The following USP34 variants were observed in gnomAD, a reference collection of about 807,000 sequenced individuals.
USP34 encodes ubiquitin specific peptidase 34, also known as ubiquitin carboxyl-terminal hydrolase 34.
In USP34, 70 loss-of-function variants were observed where a neutral mutation model predicts 460.3. That is an observed-to-expected ratio of 0.15 (90% CI 0.13 to 0.19). The LOEUF is 0.19. USP34 is among the 10% of genes least tolerant of loss of function. The pLI is 1.00. For missense variants in USP34, 3,985 were observed against 4,236.2 expected, an observed-to-expected ratio of 0.94 and a Z score of 1.65; for synonymous variants, 1,647 against 1,405.3, an observed-to-expected ratio of 1.17 and a Z score of -3.85.
chr2:61,228,538 G>A lies in USP34; in HGVS notation c.7443+107C>T, dbSNP rs1687795998. The A allele has an allele frequency of 7.8e-6, 7 of 891,908 alleles. No individual in the cohort carries two copies. The Admixed American group carries it at 1.9e-4, about 24-fold the overall frequency. The allele number at this position is 891,908 out of a possible 1,614,324, so 55.2% of individuals were successfully genotyped here. A position where few individuals can be genotyped will look rare whatever the true frequency, so the allele number is the denominator to read the frequency against. Reference sequence around the variant, plus strand: ...AGACCCTTCATATTATCTAACACCAGGTTCCAGAAGGGACTTTAAAGGGTT... The same window carrying A: ...AGACCCTTCATATTATCTAACACCAAGTTCCAGAAGGGACTTTAAAGGGTT... On this transcript the variant is annotated intron_variant, in intron 61 of 79. Transcript: ENST00000398571.
chr2:61,272,492 T>C (rs1449858540), intron 41 of USP34, among the ~76,000 whole-genome samples: 1 of 151,942 alleles, frequency 6.6e-6, no homozygotes, highest in African/African-American at 2.4e-5. Context: ...ATCTGAGACC[T>C]GTGAGCTCTA....
At chr2:61,357,297 C>T (rs932220328) in intron 10 of USP34, among the ~76,000 whole-genome samples, 3 of 152,036 alleles carry the variant, frequency 2.0e-5, no homozygotes, top group Non-Finnish European at 2.9e-5. Context: ...AACTGGACAA[C>T]GCACAAATAT....
chr2:61,420,713 A>G, intron 2 of USP34, 33 bp downstream of exon 2: 1 of 1,530,044 alleles, frequency 6.5e-7, no homozygotes, highest in Non-Finnish European at 8.8e-7. Context: ...CAACTCACAA[A>G]AATTAGTCTT....
chr2:61,211,812 G>A lies in USP34; in HGVS notation c.8800C>T (p.Arg2934Cys), dbSNP rs377417702. 4 of 1,596,368 alleles carry A rather than the reference G, an allele frequency of 2.5e-6. No homozygotes were observed. Among genetic ancestry groups the A allele is most frequent in the Non-Finnish European group, 3.4e-6 (4 of 1,174,502 alleles). The stretch of plus-strand genomic sequence containing the variant: ...CAGCAGGAGCGGCCATCTAAGCAAC[G>A]TAAGTAACAACTTATGGTTGTTTTC... Reference protein sequence around the residue: ...FKKTTISCYLRCLDGRSCWTT... With the variant: ...FKKTTISCYLCCLDGRSCWTT... Residue 2934 changes from arginine (R) to cysteine (C), a missense_variant, in exon 69 of 80, where the codon CGT becomes TGT. By Grantham distance (180) the Arg-to-Cys change is radical. Transcript: ENST00000398571.
intron 5 of USP34, among the ~76,000 whole-genome samples, chr2:61,388,523 G>A (rs899674826): frequency 5.3e-5 from 8 of 150,858 alleles, no homozygotes; most frequent in East Asian, 1.9e-4. Context: ...TTGGGAGGCC[G>A]ATGCAGGCGG....
At chr2:61,226,917 A>G (rs1291530625) in intron 62 of USP34, 150 bp downstream of exon 62, 4 of 992,474 alleles carry the variant, frequency 4.0e-6, no homozygotes, top group East Asian at 6.0e-5. Context: ...AGTATTATTT[A>G]AAAGGATTTA....
At chr2:61,267,225 CATGAGT>C (rs1198701083) in intron 41 of USP34, among the ~76,000 whole-genome samples, 8 of 152,104 alleles carry the variant, frequency 5.3e-5, no homozygotes, top group African/African-American at 1.9e-4. Flanking sequence ...AAATCTTAGC[CATGAGT>C]ATAACTATAT....
chr2:61,331,199 G>T, intron 20 of USP34, 77 bp downstream of exon 20: 1 of 1,282,142 alleles, frequency 7.8e-7, no homozygotes, highest in South Asian at 1.5e-5. Context: ...ATGAAAAAAA[G>T]TTAAAACACT....
At chr2:61,285,406 G>C (rs550849564) in intron 34 of USP34, among the ~76,000 whole-genome samples, 2 of 150,536 alleles carry the variant, frequency 1.3e-5, no homozygotes, top group African/African-American at 4.9e-5. Context: ...AGGAACACCT[G>C]AGTCTGGGAG....
chr2:61,374,571 A>T (rs1692733943), intron 8 of USP34, among the ~76,000 whole-genome samples: 2 of 152,112 alleles, frequency 1.3e-5, no homozygotes, highest in Admixed American at 1.3e-4. Context: ...AGAGATGACC[A>T]AATCTGCACA....
At chr2:61,387,708 A>C (rs969729909) in intron 5 of USP34, among the ~76,000 whole-genome samples, 2 of 147,964 alleles carry the variant, frequency 1.4e-5, no homozygotes, top group African/African-American at 4.9e-5. Context: ...CACATGTAAA[A>C]ATATATTTTT....
Position 61,273,003 on chromosome 2 carries a change from T to G in USP34, c.5433+5162A>C, listed in dbSNP as rs146029353. ...AACAGCTAAAGATAACTGAAAACAG[T>G]CTACCAACAATAAGTCAATTTCAGA... On this transcript the variant is annotated intron_variant, in intron 41 of 79. Transcript: ENST00000398571. 6.2e-3 allele frequency among the ~76,000 whole-genome samples: 941 copies of G among 152,108 alleles called. 8 individuals are homozygous for G. Among genetic ancestry groups the G allele is most frequent in the African/African-American group, 0.021 (886 of 41,510 alleles).
intron 7 of USP34, among the ~76,000 whole-genome samples, chr2:61,379,200 A>G (rs1692898367): frequency 6.6e-6 from 1 of 152,162 alleles, no homozygotes; most frequent in Non-Finnish European, 1.5e-5. Flanking sequence ...CAGTGTGACT[A>G]CACTACCAAA....
chr2:61,360,067 T>C (rs1692228538), intron 10 of USP34, among the ~76,000 whole-genome samples: 1 of 151,922 alleles, frequency 6.6e-6, no homozygotes. Flanking sequence ...CCTGGCCAGC[T>C]TTTTTTCATA....
At chr2:61,435,509 C>A (rs7589611) in intron 1 of USP34, among the ~76,000 whole-genome samples, 3,869 of 151,458 alleles carry the variant, frequency 0.026, 176 homozygotes, top group African/African-American at 0.089. Flanking sequence ...AGCTGTCCTG[C>A]AGAAACGCAG....
In USP34 at chr2:61,241,751, G is replaced by GA; in HGVS notation, c.6681+14dup. On this transcript the variant is annotated intron_variant, in intron 52 of 79. Transcript: ENST00000398571. ...GAAAAAACAATATAAAATTATACAT[G>GA]AAAAAAATGGTTACCTTTTCAAAAG... 1.3e-6 allele frequency: 2 copies of GA among 1,496,674 alleles called. No individual in the cohort carries two copies. Among genetic ancestry groups the GA allele is most frequent in the Non-Finnish European group, 1.8e-6 (2 of 1,104,250 alleles). The allele number at this position is 1,496,674 out of a possible 1,614,324, so 92.7% of individuals were successfully genotyped here. A position where few individuals can be genotyped will look rare whatever the true frequency, so the allele number is the denominator to read the frequency against.
At position 61,344,045 on chromosome 2, in the gene USP34, A is replaced by G. The variant is rs367578960; in HGVS notation, c.2286-16T>C. ...AACCATATGCCTACAAAACAGAGAA[A>G]AGCACAAAGTTAGTAATTACGAATG... On this transcript the variant is annotated splice_polypyrimidine_tract_variant and intron_variant, in intron 15 of 79. Coordinates refer to ENST00000398571, the MANE Select transcript of USP34 (RefSeq NM_014709.4). The G allele has an allele frequency of 9.9e-6, 16 of 1,608,978 alleles. No homozygotes were observed. The highest frequency in any genetic ancestry group is 3.4e-6 in the Non-Finnish European group (4 of 1,176,306).
intron 1 of USP34, among the ~76,000 whole-genome samples, chr2:61,448,642 T>C (rs540622820): frequency 6.6e-6 from 1 of 152,060 alleles, no homozygotes; most frequent in Non-Finnish European, 1.5e-5. Context: ...ACTGTTTCCA[T>C]CCATAGATGA....
chr2:61,263,329 G>A (rs1572882524), intron 43 of USP34, among the ~76,000 whole-genome samples: 1 of 150,942 alleles, frequency 6.6e-6, no homozygotes, highest in African/African-American at 2.4e-5. Flanking sequence ...TAAGTCACCT[G>A]CCATCATGCC....
Sources: allele counts gnomAD v4.1 joint callset (sites outside exome capture counted in the v4.1 genomes callset), GRCh38; gene constraint gnomAD v4.1.1; transcripts MANE v1.5; gene names NCBI Gene and HGNC (gene_info 2026-07-23, HGNC 2026-07-21).